SEZ6L: variants seen among roughly 807,000 people sequenced by gnomAD.
SEZ6L encodes the protein seizure 6-like protein.
SEZ6L carries 37 observed loss-of-function variants against 106.2 expected under a neutral mutation model. That is an observed-to-expected ratio of 0.35 (90% CI 0.27 to 0.46). SEZ6L has a LOEUF of 0.46. Among genes scored for constraint, SEZ6L ranks in the 20% least tolerant of loss-of-function variants. The probability of loss-of-function intolerance (pLI) is 1.00; values close to 1 mark genes in which losing one functional copy is unlikely to be tolerated. For missense variants in SEZ6L, 1,172 were observed against 1,332.8 expected, an observed-to-expected ratio of 0.88 and a Z score of 1.88; for synonymous variants, 541 against 570.4, an observed-to-expected ratio of 0.95 and a Z score of 0.73.
intron 9 of SEZ6L, among the ~76,000 whole-genome samples, chr22:26,335,626 A>G (rs1601532762): frequency 6.6e-6 from 1 of 152,164 alleles, no homozygotes; most frequent in Non-Finnish European, 1.5e-5. Flanking sequence ...GTAGGAAGCC[A>G]CTTTTAAGGA....
At chr22:26,178,134 A>C (rs548365478) in intron 1 of SEZ6L, among the ~76,000 whole-genome samples, 1 of 152,236 alleles carries the variant, frequency 6.6e-6, no homozygotes. Context: ...CACATGGGAC[A>C]TTTACATTAT....
At chr22:26,286,399 T>C (rs552949725) in intron 1 of SEZ6L, among the ~76,000 whole-genome samples, 1 of 152,346 alleles carries the variant, frequency 6.6e-6, no homozygotes, top group South Asian at 2.1e-4. Context: ...GTACTTATTA[T>C]ACGTATTTTG....
chr22:26,337,076 T>C (rs180863619), intron 9 of SEZ6L, among the ~76,000 whole-genome samples: 137 of 152,098 alleles, frequency 9.0e-4, no homozygotes, highest in African/African-American at 3.1e-3. Flanking sequence ...ATCCAGACCT[T>C]CTGCCTGCCT....
At chr22:26,293,575 C>T (rs2081208104) in intron 2 of SEZ6L, among the ~76,000 whole-genome samples, 1 of 152,184 alleles carries the variant, frequency 6.6e-6, no homozygotes, top group African/African-American at 2.4e-5. Flanking sequence ...AATCCTCCCA[C>T]CTCAGCCTCC....
chr22:26,255,991 T>C (rs564399394), intron 1 of SEZ6L, among the ~76,000 whole-genome samples: 6 of 152,110 alleles, frequency 3.9e-5, no homozygotes, highest in Non-Finnish European at 8.8e-5. Flanking sequence ...GGAGTGATGG[T>C]TAAGCTGAAG....
intron 13 of SEZ6L, among the ~76,000 whole-genome samples, chr22:26,366,431 C>T (rs564734760): frequency 5.9e-5 from 9 of 152,206 alleles, no homozygotes; most frequent in African/African-American, 1.7e-4. Context: ...CAGTGGCTCA[C>T]ACCTGTAATC....
chr22:26,302,862 G>A (rs777594623), intron 5 of SEZ6L, among the ~76,000 whole-genome samples: 17 of 152,216 alleles, frequency 1.1e-4, no homozygotes, highest in Admixed American at 1.3e-4. Flanking sequence ...AGCCGCAAAC[G>A]ATCAGCAGCT....
At chr22:26,300,249 A>C (rs57182652) in intron 5 of SEZ6L, among the ~76,000 whole-genome samples, 241 of 152,168 alleles carry the variant, frequency 1.6e-3, no homozygotes, top group African/African-American at 5.4e-3. Context: ...GGTGTGCTGC[A>C]CCCATTAACT....
At chr22:26,325,629 CA>C (rs1328188395) in intron 9 of SEZ6L, among the ~76,000 whole-genome samples, 1 of 152,178 alleles carries the variant, frequency 6.6e-6, no homozygotes, top group Non-Finnish European at 1.5e-5. Flanking sequence ...CCTTCACCTA[CA>C]GTAAGAAGTC....
chr22:26,282,959 C>T (rs747338003), intron 1 of SEZ6L, among the ~76,000 whole-genome samples: 10 of 152,038 alleles, frequency 6.6e-5, no homozygotes, highest in African/African-American at 9.7e-5. Context: ...CTCTCCCTGT[C>T]GCCCAGGCTG....
At chr22:26,301,293 C>A (rs914454680) in intron 5 of SEZ6L, among the ~76,000 whole-genome samples, 1 of 152,204 alleles carries the variant, frequency 6.6e-6, no homozygotes, top group Non-Finnish European at 1.5e-5. Context: ...ACCTGTTGGG[C>A]GTTGTTTGTC....
intron 12 of SEZ6L, among the ~76,000 whole-genome samples, chr22:26,359,721 C>A (rs574345654): frequency 2.3e-3 from 350 of 152,240 alleles, no homozygotes; most frequent in African/African-American, 8.1e-3. Flanking sequence ...GGGAGGATCT[C>A]TTGAAAGGGA....
rs184133764 is a variant in SEZ6L at position 26,283,180 on chromosome 22, A to G, written c.95-9226A>G. Among the ~76,000 whole-genome samples, 201 of 152,244 alleles carry G rather than the reference A, an allele frequency of 1.3e-3. 1 individual carries two copies. Among genetic ancestry groups the G allele is most frequent in the African/African-American group, 4.5e-3 (185 of 41,540 alleles). On this transcript the variant is annotated intron_variant, in intron 1 of 16. Coordinates refer to ENST00000248933, the MANE Select transcript of SEZ6L (RefSeq NM_021115.5). The stretch of plus-strand genomic sequence containing the variant: ...CATGATCTACCCACCTCAGCCTCCC[A>G]AAGTGCTGGGATTACAGGCGTGAGC...
intron 12 of SEZ6L, among the ~76,000 whole-genome samples, chr22:26,358,725 C>A (rs190433355): frequency 6.6e-6 from 1 of 152,136 alleles, no homozygotes; most frequent in African/African-American, 2.4e-5. Flanking sequence ...TTAAAACATT[C>A]GACCAGTGGT....
At chr22:26,266,504 C>T (rs1253066455) in intron 1 of SEZ6L, among the ~76,000 whole-genome samples, 4 of 151,216 alleles carry the variant, frequency 2.6e-5, no homozygotes, top group African/African-American at 4.9e-5. Context: ...ACCCGGGAGA[C>T]GGAGCTTGCA....
chr22:26,326,837 A>G (rs539398295), intron 9 of SEZ6L, among the ~76,000 whole-genome samples: 1 of 152,334 alleles, frequency 6.6e-6, no homozygotes, highest in African/African-American at 2.4e-5. Flanking sequence ...TTGGCTTGGC[A>G]TGGTCCTGTG....
At chr22:26,189,010 C>T (rs144021170) in intron 1 of SEZ6L, among the ~76,000 whole-genome samples, 5 of 152,190 alleles carry the variant, frequency 3.3e-5, no homozygotes, top group East Asian at 1.9e-4. Context: ...AATTTTTTTC[C>T]GTTACCTTAC....
At chr22:26,207,386 C>T (rs1023829839) in intron 1 of SEZ6L, among the ~76,000 whole-genome samples, 4 of 152,198 alleles carry the variant, frequency 2.6e-5, no homozygotes, top group African/African-American at 7.2e-5. Context: ...CTTCCCTGAC[C>T]CTCAATTTCT....
intron 1 of SEZ6L, among the ~76,000 whole-genome samples, chr22:26,234,504 A>T (rs1305715866): frequency 6.6e-6 from 1 of 152,112 alleles, no homozygotes; most frequent in Admixed American, 6.5e-5. Flanking sequence ...TCCTTGGGAG[A>T]ACGAACGTCT....
Sources: allele counts gnomAD v4.1 joint callset (sites outside exome capture counted in the v4.1 genomes callset), GRCh38; gene constraint gnomAD v4.1.1; transcripts MANE v1.5; gene names NCBI Gene and HGNC (gene_info 2026-07-23, HGNC 2026-07-21).